Variants in CELF2 observed in about 807,000 individuals in gnomAD.
CELF2 encodes CUGBP Elav-like family member 2, also known as CUG triplet repeat RNA-binding protein 2.
In CELF2, 8 loss-of-function variants were observed where a neutral mutation model predicts 62.6. The ratio of observed to expected loss-of-function variants is 0.13; its 90% CI spans 0.07 to 0.23. The LOEUF (loss-of-function observed/expected upper bound fraction) is 0.23, where lower values mean the gene tolerates loss of function less well. Ranked by LOEUF, CELF2 falls within the 10% of genes least tolerant of loss-of-function variation. CELF2 has a pLI of 1.00. For missense variants in CELF2, 333 were observed against 671.0 expected, an observed-to-expected ratio of 0.50 and a Z score of 5.56; for synonymous variants, 258 against 250.0, an observed-to-expected ratio of 1.03 and a Z score of -0.30.
chr10:10,771,570 T>C, the CELF2 span, among the ~76,000 whole-genome samples: 7 of 152,206 alleles, frequency 4.6e-5, no homozygotes, highest in Admixed American at 1.3e-4. Context: ...GATAATTGAA[T>C]CACTGGGGCA....
In CELF2 at chr10:11,237,955, T is replaced by C. The variant is rs1318792464; in HGVS notation, c.355-11198T>C. ...TAGAATCTAGGATTGGAAATGTAAATGAGCCACCAGGTAATTAAACCACGC... is the reference window on the plus strand; with the variant it reads ...TAGAATCTAGGATTGGAAATGTAAACGAGCCACCAGGTAATTAAACCACGC... On this transcript the variant is annotated intron_variant, in intron 3 of 12. Coordinates refer to ENST00000633077, the MANE Select transcript of CELF2 (RefSeq NM_001326342.2). This position sits in a 1 kb window ranked among gnomAD's most constrained non-coding sequence, Gnocchi z 4.0. 2.0e-5 allele frequency among the ~76,000 whole-genome samples: 3 copies of C among 152,206 alleles called. No homozygotes were observed. The highest frequency in any genetic ancestry group is 4.8e-5 in the African/African-American group (2 of 41,456).
chr10:11,061,098 C>G (rs756578057), intron 1 of CELF2, among the ~76,000 whole-genome samples: 2 of 152,186 alleles, frequency 1.3e-5, no homozygotes, highest in African/African-American at 4.8e-5. Context: ...AGCTGAGAAA[C>G]GCTGAAAGCT....
Position 11,156,911 on chromosome 10 carries a change from C to G in CELF2, c.75-8575C>G, listed in dbSNP as rs1250386153. Among the ~76,000 whole-genome samples the G allele has an allele frequency of 1.3e-5, 2 of 152,122 alleles. No homozygotes were observed. The highest frequency in any genetic ancestry group is 2.9e-5 in the Non-Finnish European group (2 of 68,026). The stretch of plus-strand genomic sequence containing the variant: ...AAAAGCTGATTGGAGGAAAAGAAGA[C>G]CGGAAGAGATGAACTTTAGGTGTGC... On this transcript the variant is annotated intron_variant, in intron 1 of 12. Coordinates refer to ENST00000633077, the MANE Select transcript of CELF2 (RefSeq NM_001326342.2). The surrounding 1 kb of genome is among the most constrained non-coding windows in gnomAD (Gnocchi z 4.3).
chr10:10,644,066 G>C, the CELF2 span, among the ~76,000 whole-genome samples: 68 of 152,268 alleles, frequency 4.5e-4, no homozygotes, highest in African/African-American at 1.5e-3. Flanking sequence ...CCTTGCCTTT[G>C]TTTTCTACCA....
chr10:10,640,829 A>T, the CELF2 span, among the ~76,000 whole-genome samples: 1 of 152,216 alleles, frequency 6.6e-6, no homozygotes, highest in Non-Finnish European at 1.5e-5. Flanking sequence ...CTCATCGTCC[A>T]CTGCTCTTCA....
At chr10:10,524,766 A>C in the CELF2 span, among the ~76,000 whole-genome samples, 1 of 152,158 alleles carries the variant, frequency 6.6e-6, no homozygotes, top group Non-Finnish European at 1.5e-5. Flanking sequence ...AAAATTACCA[A>C]GGTCATTTTC....
the CELF2 span, among the ~76,000 whole-genome samples, chr10:10,509,619 A>T: frequency 2.0e-5 from 3 of 152,236 alleles, no homozygotes; most frequent in African/African-American, 7.2e-5. Flanking sequence ...ATGGACCAAG[A>T]CATCATTCTA....
chr10:10,627,007 C>T, the CELF2 span, among the ~76,000 whole-genome samples: 1 of 152,188 alleles, frequency 6.6e-6, no homozygotes, highest in Admixed American at 6.5e-5. Context: ...CTCTAGGTCT[C>T]TGGCACTTAA....
At chr10:10,564,868 C>A in the CELF2 span, among the ~76,000 whole-genome samples, 1 of 152,018 alleles carries the variant, frequency 6.6e-6, no homozygotes, top group Non-Finnish European at 1.5e-5. Flanking sequence ...AATCAATACA[C>A]AAATAAAAAG....
At chr10:10,531,987 A>G in the CELF2 span, among the ~76,000 whole-genome samples, 1 of 152,192 alleles carries the variant, frequency 6.6e-6, no homozygotes, top group South Asian at 2.1e-4. Context: ...TAAGTAGAGG[A>G]TTGACTGGGT....
At chr10:11,035,596 G>T (rs1248842251) in intron 1 of CELF2, among the ~76,000 whole-genome samples, 1 of 152,154 alleles carries the variant, frequency 6.6e-6, no homozygotes, top group Non-Finnish European at 1.5e-5. Flanking sequence ...GGGTGCCTAG[G>T]TATATTTTTG....
chr10:11,283,077 G>T (rs551635996), intron 8 of CELF2, among the ~76,000 whole-genome samples: 1 of 152,190 alleles, frequency 6.6e-6, no homozygotes, highest in South Asian at 2.1e-4. Context: ...TTATGAGCAC[G>T]CACTTCTGAA....
Position 11,207,927 on chromosome 10 carries a change from G to GA in CELF2, c.272-9497dup, listed in dbSNP as rs1318756558. Among the ~76,000 whole-genome samples, 3 of 152,204 alleles carry GA rather than the reference G, an allele frequency of 2.0e-5. No homozygotes were observed. The highest frequency in any genetic ancestry group is 4.4e-5 in the Non-Finnish European group (3 of 68,034). On this transcript the variant is annotated intron_variant, in intron 2 of 12. Coordinates refer to ENST00000633077, the MANE Select transcript of CELF2 (RefSeq NM_001326342.2). This position sits in a 1 kb window ranked among gnomAD's most constrained non-coding sequence, Gnocchi z 4.1. ...GGTTGTGTTAGGTGACTGTTGGAGA[G>GA]ACATTTCAGATGAGAGGTTTAGGTT...
chr10:10,634,666 CTT>C, the CELF2 span, among the ~76,000 whole-genome samples: 2 of 140,982 alleles, frequency 1.4e-5, no homozygotes, highest in Non-Finnish European at 1.5e-5. Flanking sequence ...CTTTTCTTTT[CTT>C]TTTTTTTTTT....
intron 1 of CELF2, among the ~76,000 whole-genome samples, chr10:10,860,740 A>C (rs548596159): frequency 6.6e-6 from 1 of 152,326 alleles, no homozygotes; most frequent in Admixed American, 6.5e-5. Flanking sequence ...AGATAGGAAA[A>C]GGAAGTGACG....
At chr10:10,588,171 G>A in the CELF2 span, among the ~76,000 whole-genome samples, 2 of 152,138 alleles carry the variant, frequency 1.3e-5, no homozygotes, top group Non-Finnish European at 2.9e-5. Flanking sequence ...CTCAGACGCT[G>A]ATGGCCCCGT....
intron 2 of CELF2, among the ~76,000 whole-genome samples, chr10:11,206,819 C>T (rs981590101): frequency 6.6e-6 from 1 of 152,230 alleles, no homozygotes. Context: ...TTCCTATAGT[C>T]AAGTGACGTT....
chr10:10,695,662 G>T, the CELF2 span, among the ~76,000 whole-genome samples: 1,369 of 152,098 alleles, frequency 9.0e-3, 20 homozygotes, highest in African/African-American at 0.031. Context: ...CGTAGATTTG[G>T]TCTTTTCACA....
At chr10:10,900,424 T>C (rs1240028328) in intron 1 of CELF2, among the ~76,000 whole-genome samples, 1 of 152,224 alleles carries the variant, frequency 6.6e-6, no homozygotes, top group Non-Finnish European at 1.5e-5. Context: ...TCAATTTATA[T>C]AATTTATCAC....
Sources: allele counts gnomAD v4.1 joint callset (sites outside exome capture counted in the v4.1 genomes callset), GRCh38; gene constraint gnomAD v4.1.1; non-coding constraint Gnocchi (gnomAD v3.1); transcripts MANE v1.5; gene names NCBI Gene and HGNC (gene_info 2026-07-23, HGNC 2026-07-21).